Variants in WASHC2A observed in about 807,000 individuals in gnomAD.
WASHC2A encodes the protein WASH complex subunit FAM21A.
A neutral mutation model predicts 140.3 loss-of-function variants in WASHC2A; 82 were observed. The observed-to-expected ratio is 0.58, with a 90% confidence interval of 0.49 to 0.70. The LOEUF (loss-of-function observed/expected upper bound fraction) is 0.70, where lower values mean the gene tolerates loss of function less well. Among genes scored for constraint, WASHC2A ranks in the 30% least tolerant of loss-of-function variants. The pLI, the probability that WASHC2A is intolerant of heterozygous loss-of-function variation, is 0.00. For missense variants in WASHC2A, 985 were observed against 1,521.8 expected, an observed-to-expected ratio of 0.65 and a Z score of 5.87; for synonymous variants, 340 against 560.8, an observed-to-expected ratio of 0.61 and a Z score of 5.56.
intron 23 of WASHC2A, among the ~76,000 whole-genome samples, chr10:50,120,148 C>G (rs1167894153): frequency 6.9e-6 from 1 of 145,976 alleles, no homozygotes; most frequent in East Asian, 2.0e-4. Context: ...ACCTTTCATA[C>G]TGATCAGGTG....
chr10:50,116,288 C>T (rs1842666172), intron 21 of WASHC2A, among the ~76,000 whole-genome samples: 2 of 85,836 alleles, frequency 2.3e-5, no homozygotes, highest in East Asian at 3.8e-4. Context: ...TTTTGTCTCC[C>T]CTATCAACTA....
intron 10 of WASHC2A, among the ~76,000 whole-genome samples, chr10:50,091,820 G>T (rs1466588072): frequency 1.7e-4 from 26 of 152,052 alleles, no homozygotes; most frequent in African/African-American, 6.3e-4. Context: ...AAGAATTCCT[G>T]GCTGAATATT....
At chr10:50,105,106 G>A (rs1431691509) in intron 18 of WASHC2A, among the ~76,000 whole-genome samples, 1 of 152,044 alleles carries the variant, frequency 6.6e-6, no homozygotes, top group African/African-American at 2.4e-5. Flanking sequence ...TCTAGAGGAT[G>A]GATCAACATA....
At chr10:50,132,220 A>G (rs952762325) in intron 30 of WASHC2A, among the ~76,000 whole-genome samples, 1 of 152,220 alleles carries the variant, frequency 6.6e-6, no homozygotes, top group Admixed American at 6.5e-5. Flanking sequence ...ATTTGTGTAC[A>G]CCTAACTTTA....
intron 14 of WASHC2A, 63 bp downstream of exon 14, chr10:50,095,270 TATC>T (rs1203446491): frequency 0.016 from 21,295 of 1,352,892 alleles, 256 homozygotes; most frequent in Middle Eastern, 0.043. Context: ...ATTTCAAAAT[TATC>T]ATCTTCTAAA....
intron 21 of WASHC2A, among the ~76,000 whole-genome samples, chr10:50,116,654 T>G (rs1554892062): frequency 1.3e-5 from 2 of 151,352 alleles, no homozygotes; most frequent in Non-Finnish European, 2.9e-5. Flanking sequence ...TCCAGGATGT[T>G]CCACAAAAGC....
At chr10:50,097,227 A>G (rs1219815598) in intron 15 of WASHC2A, among the ~76,000 whole-genome samples, 5 of 148,660 alleles carry the variant, frequency 3.4e-5, no homozygotes, top group African/African-American at 4.9e-5. Flanking sequence ...GTTTGAGTAG[A>G]CTGGTGGAAT....
Position 50,092,208 on chromosome 10 carries a change from G to A in WASHC2A, c.978G>A (p.Lys326=). ...AACCTCGGAAGACACTCAAAGAGAA[G>A]AAGGAAAGGAGAACTCCTTCAGACG... ...EAKPRKTLKE[K]KERRTPSDDE... Residue 326 remains lysine (K), a synonymous_variant, in exon 11 of 31, where the codon AAG becomes AAA. Transcript: ENST00000282633. 1.9e-6 allele frequency: 3 copies of A among 1,593,590 alleles called. No homozygotes were observed. Among genetic ancestry groups the A allele is most frequent in the East Asian group, 2.2e-5 (1 of 44,628 alleles).
intron 30 of WASHC2A, among the ~76,000 whole-genome samples, chr10:50,131,810 C>T (rs922377897): frequency 5.9e-5 from 9 of 152,280 alleles, no homozygotes; most frequent in African/African-American, 2.2e-4. Flanking sequence ...CCCCTGCTTC[C>T]CGCCACATGG....
intron 3 of WASHC2A, among the ~76,000 whole-genome samples, chr10:50,072,124 C>T (rs1554876425): frequency 7.0e-6 from 1 of 143,874 alleles, no homozygotes; most frequent in Admixed American, 7.0e-5. Context: ...GTTGGTGAGT[C>T]TGCTTTTGAA....
chr10:50,111,856 C>T (rs1232696074), intron 20 of WASHC2A, among the ~76,000 whole-genome samples: 1,953 of 152,132 alleles, frequency 0.013, 21 homozygotes, highest in Non-Finnish European at 0.019. Flanking sequence ...GGTGAAACCC[C>T]GTCTCTACTA....
intron 11 of WASHC2A, 41 bp downstream of exon 11, chr10:50,092,274 T>A (rs2132568405): frequency 8.2e-7 from 1 of 1,222,508 alleles, no homozygotes; most frequent in East Asian, 2.5e-5. Flanking sequence ...AGGAGCCTGT[T>A]GACTAAGGAA....
intron 26 of WASHC2A, 25 bp from the exon 27 acceptor site, chr10:50,127,135 T>G: frequency 6.2e-7 from 1 of 1,612,052 alleles, no homozygotes; most frequent in Non-Finnish European, 8.5e-7. Flanking sequence ...CAAATGGATT[T>G]TTAACTGGAT....
At chr10:50,106,070 C>G (rs1238267953) in intron 18 of WASHC2A, among the ~76,000 whole-genome samples, 1 of 151,738 alleles carries the variant, frequency 6.6e-6, no homozygotes, top group Non-Finnish European at 1.5e-5. Context: ...TCTCCTTGTA[C>G]TTCATGATCT....
intron 17 of WASHC2A, among the ~76,000 whole-genome samples, chr10:50,100,409 G>A (rs1841003173): frequency 1.3e-5 from 2 of 151,152 alleles, no homozygotes; most frequent in Non-Finnish European, 3.0e-5. Context: ...TTGAACCCGG[G>A]AGGCAGAAGT....
chr10:50,121,302 A>G (rs1418596285), intron 23 of WASHC2A, among the ~76,000 whole-genome samples: 4 of 150,434 alleles, frequency 2.7e-5, no homozygotes, highest in Non-Finnish European at 5.9e-5. Flanking sequence ...ATTAAGATTG[A>G]AGGATGTAAG....
chr10:50,100,842 A>T (rs1841061404), intron 17 of WASHC2A, among the ~76,000 whole-genome samples: 1 of 152,292 alleles, frequency 6.6e-6, no homozygotes, highest in Non-Finnish European at 1.5e-5. Flanking sequence ...GCACCTTAGA[A>T]CCACCTCTCA....
chr10:50,100,851 C>A (rs1391871081), intron 17 of WASHC2A, among the ~76,000 whole-genome samples: 1 of 152,312 alleles, frequency 6.6e-6, no homozygotes, highest in Non-Finnish European at 1.5e-5. Flanking sequence ...AACCACCTCT[C>A]AGAATTTCAC....
Position 50,110,261 on chromosome 10 carries a change from C to G in WASHC2A, c.2030C>G (p.Ala677Gly). 1 of 1,611,710 alleles carries G rather than the reference C, an allele frequency of 6.2e-7. No individual in the cohort carries two copies. Residue 677 changes from alanine to glycine, a missense_variant, in exon 20 of 31, where the codon GCC (alanine) becomes GGC (glycine). Transcript: ENST00000282633. Reference protein sequence around the residue: ...EDEEDDLFAIAKDSQKKTQRV... With the variant: ...EDEEDDLFAIGKDSQKKTQRV... ...GAAGAAGATGATCTTTTTGCCATTGCCAAGGACAGGTGAGATAGTCATTGG... is the reference window on the plus strand; with the variant it reads ...GAAGAAGATGATCTTTTTGCCATTGGCAAGGACAGGTGAGATAGTCATTGG...
Sources: gnomAD v4.1 joint callset for allele counts (sites outside exome capture counted in the v4.1 genomes callset) on GRCh38, gnomAD v4.1.1 for gene constraint, MANE v1.5 for transcripts, NCBI Gene and HGNC (gene_info 2026-07-23, HGNC 2026-07-21) for gene names.